Variants in ELMO1 observed in about 807,000 individuals in gnomAD.
ELMO1 encodes the protein engulfment and cell motility protein 1.
Under a neutral mutation model 98.9 loss-of-function variants are expected in ELMO1, and 26 were observed. The observed-to-expected ratio is 0.26, with a 90% CI of 0.19 to 0.36. The LOEUF is 0.36. Ranked by LOEUF, ELMO1 falls within the 10% of genes least tolerant of loss-of-function variation. The pLI is 1.00. For missense variants in ELMO1, 627 were observed against 935.2 expected (o/e 0.67, Z 4.30); for synonymous variants, 346 against 346.0 (o/e 1.00, Z 0.00).
chr7:37,003,161 G>A (rs1215606236), intron 16 of ELMO1, among the ~76,000 whole-genome samples: 3 of 152,158 alleles, frequency 2.0e-5, no homozygotes, highest in Non-Finnish European at 1.5e-5. Context: ...GAAGAAATTC[G>A]GTTTGGAATT....
At chr7:36,913,586 G>A (rs991760182) in intron 16 of ELMO1, among the ~76,000 whole-genome samples, 2 of 152,190 alleles carry the variant, frequency 1.3e-5, no homozygotes, top group African/African-American at 4.8e-5. Context: ...ATTGGGACAA[G>A]AAACGCCACA....
intron 2 of ELMO1, among the ~76,000 whole-genome samples, chr7:37,336,245 A>AT (rs1487187238): frequency 6.6e-6 from 1 of 152,028 alleles, no homozygotes. Context: ...AAAAAAGAAC[A>AT]TATCTAATGG....
chr7:37,275,656 A>AC (rs1352456524), intron 4 of ELMO1, among the ~76,000 whole-genome samples: 1 of 152,220 alleles, frequency 6.6e-6, no homozygotes, highest in East Asian at 1.9e-4. Flanking sequence ...CCCAGAGACA[A>AC]CAGCACCTTC....
At chr7:37,107,169 T>A (rs1428332532) in intron 14 of ELMO1, among the ~76,000 whole-genome samples, 1 of 152,198 alleles carries the variant, frequency 6.6e-6, no homozygotes, top group African/African-American at 2.4e-5. Flanking sequence ...CAAAAGTCCA[T>A]TTTGAGGGTC....
intron 21 of ELMO1, among the ~76,000 whole-genome samples, chr7:36,857,931 G>A (rs886999481): frequency 2.0e-5 from 3 of 152,138 alleles, no homozygotes; most frequent in Admixed American, 2.0e-4. Flanking sequence ...GACGTAAGGG[G>A]TCCTCCCAAT....
At chr7:37,123,268 C>A (rs1786223800) in intron 14 of ELMO1, among the ~76,000 whole-genome samples, 1 of 151,960 alleles carries the variant, frequency 6.6e-6, no homozygotes, top group Non-Finnish European at 1.5e-5. Context: ...TAGCAGAAGG[C>A]AAGAAGTAAC....
intron 14 of ELMO1, among the ~76,000 whole-genome samples, chr7:37,116,160 G>A (rs1053196696): frequency 2.0e-5 from 3 of 152,198 alleles, no homozygotes; most frequent in African/African-American, 4.8e-5. Flanking sequence ...GAAATAAGAA[G>A]TGAGCTGCAG....
intron 1 of ELMO1, among the ~76,000 whole-genome samples, chr7:37,373,377 C>T (rs563262094): frequency 3.9e-5 from 6 of 152,176 alleles, no homozygotes; most frequent in South Asian, 2.1e-4. Flanking sequence ...GAGCTTGAGG[C>T]GGGCAGATCA....
Position 37,287,149 on chromosome 7 carries a change from C to T in ELMO1, c.193-15267G>A, listed in dbSNP as rs369144757. Among the ~76,000 whole-genome samples, 21 of 151,170 alleles carry T rather than the reference C, an allele frequency of 1.4e-4. No homozygotes were observed. In the East Asian group the frequency reaches 1.9e-3, roughly 14 times the overall value. On this transcript the variant is annotated intron_variant, in intron 4 of 21. Coordinates refer to ENST00000310758, the MANE Select transcript of ELMO1 (RefSeq NM_014800.11). The stretch of plus-strand genomic sequence containing the variant: ...TGGAGGTTGCAATGAGCCGAGATCA[C>T]GCCACTGCACTCCAGTCTGGGCAAC...
At chr7:37,180,717 G>A (rs1790801718) in intron 13 of ELMO1, among the ~76,000 whole-genome samples, 1 of 152,106 alleles carries the variant, frequency 6.6e-6, no homozygotes, top group African/African-American at 2.4e-5. Context: ...TAGTGCTAAA[G>A]GGACACAATG....
At chr7:36,863,588 G>A (rs1382800697) in intron 20 of ELMO1, among the ~76,000 whole-genome samples, 1 of 152,052 alleles carries the variant, frequency 6.6e-6, no homozygotes, top group Non-Finnish European at 1.5e-5. Flanking sequence ...CCCTCTTTTG[G>A]GTAATAAAGA....
chr7:37,314,175 T>C (rs746172245), intron 4 of ELMO1, among the ~76,000 whole-genome samples: 2 of 152,214 alleles, frequency 1.3e-5, no homozygotes, highest in Non-Finnish European at 2.9e-5. Context: ...CCAAAGCCAG[T>C]ATTTTTATAG....
intron 16 of ELMO1, among the ~76,000 whole-genome samples, chr7:36,973,061 G>A (rs977261158): frequency 7.9e-5 from 12 of 152,190 alleles, no homozygotes; most frequent in African/African-American, 1.2e-4. Context: ...GATTACAGGC[G>A]TAAGCCACCC....
intron 16 of ELMO1, among the ~76,000 whole-genome samples, chr7:36,964,128 A>G (rs1789201141): frequency 1.3e-5 from 2 of 152,320 alleles, no homozygotes; most frequent in East Asian, 3.9e-4. Flanking sequence ...TAGTTTTTGT[A>G]TATTTGGCAT....
intron 18 of ELMO1, among the ~76,000 whole-genome samples, chr7:36,886,818 T>G (rs1210171371): frequency 4.6e-5 from 7 of 152,232 alleles, no homozygotes; most frequent in Admixed American, 2.6e-4. Context: ...CATTTTGAGG[T>G]TAGAATTTAT....
chr7:37,079,455 T>A (rs1441413040), intron 15 of ELMO1, among the ~76,000 whole-genome samples: 7 of 152,168 alleles, frequency 4.6e-5, no homozygotes, highest in Admixed American at 4.6e-4. Context: ...ATGGTGTAAA[T>A]GTTTCTAAAA....
intron 15 of ELMO1, among the ~76,000 whole-genome samples, chr7:37,041,896 G>A (rs907845692): frequency 1.6e-4 from 25 of 152,160 alleles, no homozygotes; most frequent in African/African-American, 5.1e-4. Flanking sequence ...AACACTTGTC[G>A]CTAATTACAC....
chr7:37,351,086 T>C (rs1370269510), intron 1 of ELMO1: 1 of 152,202 alleles, frequency 6.6e-6, no homozygotes, highest in East Asian at 1.9e-4. Flanking sequence ...GATGATTTGA[T>C]ACAAGCAAGC....
intron 14 of ELMO1, among the ~76,000 whole-genome samples, chr7:37,115,124 G>GA (rs1316303831): frequency 6.6e-6 from 1 of 152,088 alleles, no homozygotes; most frequent in African/African-American, 2.4e-5. Flanking sequence ...TTCCAAAATG[G>GA]AAAGTATCAG....
Sources: allele counts gnomAD v4.1 joint callset (sites outside exome capture counted in the v4.1 genomes callset), GRCh38; gene constraint gnomAD v4.1.1; transcripts MANE v1.5; gene names NCBI Gene and HGNC (gene_info 2026-07-23, HGNC 2026-07-21).